C8orf34: variants seen among roughly 807,000 people sequenced by gnomAD.
The protein encoded by C8orf34 is uncharacterized protein C8orf34.
In C8orf34, 65 loss-of-function variants were observed where a neutral mutation model predicts 68.3. That is an observed-to-expected ratio of 0.95 (90% CI 0.78 to 1.17). C8orf34 has a LOEUF of 1.17. Among genes scored for constraint, C8orf34 ranks in the 50% most tolerant of loss-of-function variants. The pLI, the probability that C8orf34 is intolerant of heterozygous loss-of-function variation, is 0.00. For missense variants in C8orf34, 664 were observed against 655.4 expected (o/e 1.01, Z -0.14); for synonymous variants, 244 against 241.2 (o/e 1.01, Z -0.11).
At chr8:68,658,013 T>C (rs1819559055) in intron 8 of C8orf34, among the ~76,000 whole-genome samples, 1 of 152,240 alleles carries the variant, frequency 6.6e-6, no homozygotes, top group Admixed American at 6.5e-5. Flanking sequence ...AGCAGTTTTT[T>C]CTTTATGAGC....
chr8:68,788,662 C>A (rs971224969), intron 12 of C8orf34, among the ~76,000 whole-genome samples: 1 of 152,088 alleles, frequency 6.6e-6, no homozygotes, highest in African/African-American at 2.4e-5. Context: ...AGATGGAGAC[C>A]ATCCAGGCCA....
At position 68,331,020 on chromosome 8, in the gene C8orf34, C is replaced by G. The variant is rs1805551040; in HGVS notation, c.8C>G (p.Ser3Cys). 1.1e-5 allele frequency: 16 copies of G among 1,442,716 alleles called. No homozygotes were observed. Among genetic ancestry groups the G allele is most frequent in the African/African-American group, 1.5e-5 (1 of 66,514 alleles). The allele number at this position is 1,442,716 out of a possible 1,614,324, so 89.4% of individuals were successfully genotyped here. Residue 3 changes from serine to cysteine, a missense_variant, in exon 1 of 14, where the codon TCT becomes TGT. Coordinates refer to ENST00000518698, the MANE Select transcript of C8orf34 (RefSeq NM_052958.4). Reference protein sequence around the residue: MSSPLASELSELA... With the variant: MSCPLASELSELA... ...AGGCGGAGAACGCGATGAATGAGTT[C>G]TCCCCTCGCCTCGGAGTTGTCTGAG...
intron 12 of C8orf34, chr8:68,792,216 T>A (rs1013869826): frequency 1.3e-5 from 2 of 151,882 alleles, no homozygotes; most frequent in African/African-American, 4.8e-5. Context: ...AGAATTAGAA[T>A]GATGAGAAAG....
intron 1 of C8orf34, among the ~76,000 whole-genome samples, chr8:68,433,515 T>A (rs2129625044): frequency 6.6e-6 from 1 of 152,338 alleles, no homozygotes; most frequent in Middle Eastern, 3.4e-3. Context: ...ATACAAGCAT[T>A]ACTTTCCTGT....
rs999674600 is a variant in C8orf34, at chr8:68,458,696, C to G, written c.608-9996C>G. Among the ~76,000 whole-genome samples, 41 of 152,112 alleles carry G rather than the reference C, an allele frequency of 2.7e-4. 1 individual carries two copies. Among genetic ancestry groups the G allele is most frequent in the Admixed American group, 2.2e-3 (34 of 15,266 alleles). ...TAAACCTAGGTTCCTCCATAGGCTTCCCCTGGGGAATGGTCTGTGAGGTAG... is the reference window on the plus strand; with the variant it reads ...TAAACCTAGGTTCCTCCATAGGCTTGCCCTGGGGAATGGTCTGTGAGGTAG... On this transcript the variant is annotated intron_variant, in intron 3 of 13. Coordinates refer to ENST00000518698, the MANE Select transcript of C8orf34 (RefSeq NM_052958.4).
At chr8:68,668,568 T>A (rs1263493414) in intron 8 of C8orf34, among the ~76,000 whole-genome samples, 3 of 151,924 alleles carry the variant, frequency 2.0e-5, no homozygotes, top group Non-Finnish European at 4.4e-5. Context: ...TGGTGGAGAG[T>A]TGGTGTTGAG....
At chr8:68,429,396 T>A (rs1296741426) in intron 1 of C8orf34, among the ~76,000 whole-genome samples, 3 of 152,336 alleles carry the variant, frequency 2.0e-5, no homozygotes, top group African/African-American at 7.2e-5. Flanking sequence ...AGTGACAACA[T>A]GTTGGTGAAG....
intron 10 of C8orf34, among the ~76,000 whole-genome samples, chr8:68,768,791 G>T (rs1307861720): frequency 6.6e-6 from 1 of 151,974 alleles, no homozygotes; most frequent in Non-Finnish European, 1.5e-5. Context: ...CTGCCACGTG[G>T]TCTTTGTGCC....
intron 7 of C8orf34, chr8:68,534,895 A>G (rs1203512820): frequency 1.0e-6 from 1 of 985,270 alleles, no homozygotes; most frequent in South Asian, 4.7e-5. Context: ...ATGATGAGCA[A>G]TTAATAACTA....
intron 2 of C8orf34, among the ~76,000 whole-genome samples, chr8:68,442,295 G>A (rs1426257392): frequency 3.3e-5 from 5 of 152,068 alleles, no homozygotes; most frequent in Admixed American, 6.6e-5. Flanking sequence ...AGATTGTCAC[G>A]CAGTTCTGGG....
chr8:68,690,918 A>G (rs1417360919), intron 8 of C8orf34, among the ~76,000 whole-genome samples: 1 of 152,084 alleles, frequency 6.6e-6, no homozygotes, highest in East Asian at 1.9e-4. Context: ...TCTCAGTCTC[A>G]AATTCCCAGC....
intron 5 of C8orf34, among the ~76,000 whole-genome samples, chr8:68,491,749 T>C (rs2129631885): frequency 6.6e-6 from 1 of 152,352 alleles, no homozygotes; most frequent in Non-Finnish European, 1.5e-5. Flanking sequence ...TATTAATTCA[T>C]TTGTAATGGA....
intron 7 of C8orf34, among the ~76,000 whole-genome samples, chr8:68,590,024 G>A (rs901992768): frequency 2.7e-5 from 4 of 149,350 alleles, no homozygotes; most frequent in Admixed American, 6.7e-5. Context: ...TTTAAAAAAG[G>A]ATGAGGAAAG....
intron 5 of C8orf34, among the ~76,000 whole-genome samples, chr8:68,512,874 A>T (rs758709567): frequency 2.0e-5 from 3 of 151,690 alleles, no homozygotes; most frequent in Non-Finnish European, 4.4e-5. Flanking sequence ...ATTACATGTT[A>T]TAATTGTAAC....
rs570014719 is a variant in C8orf34, at chr8:68,746,098, A to G, written c.1404+24661A>G. The stretch of plus-strand genomic sequence containing the variant: ...TAAGAATCTCACTCAAAACCACTCA[A>G]TTACATGGAAGCTGAACAACCTGCT... On this transcript the variant is annotated intron_variant, in intron 10 of 13. Coordinates refer to ENST00000518698, the MANE Select transcript of C8orf34 (RefSeq NM_052958.4). Among the ~76,000 whole-genome samples the G allele has an allele frequency of 1.4e-3, 218 of 152,342 alleles. 1 individual carries two copies. Among genetic ancestry groups the G allele is most frequent in the African/African-American group, 5.0e-3 (208 of 41,572 alleles).
At chr8:68,696,865 A>G (rs1179536177) in intron 8 of C8orf34, among the ~76,000 whole-genome samples, 1 of 152,074 alleles carries the variant, frequency 6.6e-6, no homozygotes, top group Non-Finnish European at 1.5e-5. Flanking sequence ...ATCCATTACA[A>G]TTAACGACCT....
At chr8:68,797,828 A>C (rs1824221338) in intron 12 of C8orf34, among the ~76,000 whole-genome samples, 1 of 152,212 alleles carries the variant, frequency 6.6e-6, no homozygotes, top group Non-Finnish European at 1.5e-5. Flanking sequence ...TGGCATCAGA[A>C]ATAGGCACTA....
chr8:68,468,851 C>T (rs1282290213), intron 4 of C8orf34, 31 bp downstream of exon 4: 1 of 1,594,164 alleles, frequency 6.3e-7, no homozygotes, highest in Non-Finnish European at 8.5e-7. Context: ...ATAATTGAAA[C>T]TCCTAACCAA....
intron 7 of C8orf34, among the ~76,000 whole-genome samples, chr8:68,605,462 T>C (rs918781755): frequency 6.6e-6 from 1 of 152,120 alleles, no homozygotes. Context: ...GAAACTAAGA[T>C]GTTCTTCAGT....
Sources: allele counts gnomAD v4.1 joint callset (sites outside exome capture counted in the v4.1 genomes callset), GRCh38; gene constraint gnomAD v4.1.1; transcripts MANE v1.5; gene names NCBI Gene and HGNC (gene_info 2026-07-23, HGNC 2026-07-21).